NELL1: variants seen among roughly 807,000 people sequenced by gnomAD.
NELL1 encodes the protein protein kinase C-binding protein NELL1.
In NELL1, 76 loss-of-function variants were observed where a neutral mutation model predicts 107.4. The ratio of observed to expected loss-of-function variants is 0.71; its 90% CI spans 0.59 to 0.86. The LOEUF is 0.86. Among genes scored for constraint, NELL1 ranks in the 40% least tolerant of loss-of-function variants. The pLI is 0.00. For missense variants in NELL1, 1,024 were observed against 1,005.5 expected, an observed-to-expected ratio of 1.02 and a Z score of -0.25; for synonymous variants, 353 against 341.2, an observed-to-expected ratio of 1.03 and a Z score of -0.38.
intron 15 of NELL1, among the ~76,000 whole-genome samples, chr11:21,490,461 A>G (rs1355711061): frequency 2.5e-5 from 1 of 39,358 alleles, no homozygotes; most frequent in Admixed American, 2.4e-4. Context: ...ATGGAACCAA[A>G]AAAAAAAAAA....
chr11:21,021,413 C>T (rs1018671527), intron 12 of NELL1, among the ~76,000 whole-genome samples: 2 of 152,050 alleles, frequency 1.3e-5, no homozygotes, highest in African/African-American at 2.4e-5. Context: ...ATTGCTCATT[C>T]TCTTTCAAGG....
intron 15 of NELL1, among the ~76,000 whole-genome samples, chr11:21,422,115 G>A (rs1330863592): frequency 1.3e-5 from 2 of 151,346 alleles, no homozygotes; most frequent in Non-Finnish European, 2.9e-5. Flanking sequence ...GTGTGTGTGT[G>A]TGTGTGTGTA....
intron 2 of NELL1, among the ~76,000 whole-genome samples, chr11:20,783,132 T>C (rs184772401): frequency 6.6e-6 from 1 of 152,316 alleles, no homozygotes; most frequent in Non-Finnish European, 1.5e-5. Context: ...CTAGTAAATA[T>C]CTGCTAGGTA....
At chr11:21,314,824 C>G (rs4514409) in intron 14 of NELL1, among the ~76,000 whole-genome samples, 136,339 of 152,150 alleles carry the variant, frequency 0.9, 61,285 homozygotes, top group Middle Eastern at 0.92. Context: ...GCTGATGGCT[C>G]GATGGACTGG....
chr11:21,187,673 G>T (rs978676138), intron 13 of NELL1, among the ~76,000 whole-genome samples: 1 of 151,618 alleles, frequency 6.6e-6, no homozygotes, highest in South Asian at 2.1e-4. Context: ...TGTCCAAGTT[G>T]TCTATGTGAA....
At chr11:21,485,580 T>G (rs766983578) in intron 15 of NELL1, among the ~76,000 whole-genome samples, 25 of 151,760 alleles carry the variant, frequency 1.6e-4, no homozygotes, top group Admixed American at 5.9e-4. Flanking sequence ...GCTTGCGAGC[T>G]GCTGTAGGAC....
intron 13 of NELL1, among the ~76,000 whole-genome samples, chr11:21,225,524 G>T (rs1258329788): frequency 7.2e-5 from 11 of 152,062 alleles, no homozygotes; most frequent in Non-Finnish European, 1.6e-4. Context: ...TACCCTAAAA[G>T]GTCTTCATAA....
chr11:20,983,874 A>T (rs1851798540), intron 12 of NELL1, among the ~76,000 whole-genome samples: 1 of 152,126 alleles, frequency 6.6e-6, no homozygotes, highest in Non-Finnish European at 1.5e-5. Context: ...CTTATCACAG[A>T]CCACAGGAAC....
In NELL1 at chr11:20,929,407, A is replaced by C. The variant is rs142828728; in HGVS notation, c.997+928A>C. On this transcript the variant is annotated intron_variant, in intron 9 of 19. Coordinates refer to ENST00000357134, the MANE Select transcript of NELL1 (RefSeq NM_006157.5). Reference sequence around the variant, plus strand: ...TTGCAGCAGCCCAAATAATTGTTGAACTTTTCAAAAAGGAACTTTGTAATC... The same window carrying C: ...TTGCAGCAGCCCAAATAATTGTTGACCTTTTCAAAAAGGAACTTTGTAATC... Among the ~76,000 whole-genome samples, 1,045 of 151,656 alleles carry C rather than the reference A, an allele frequency of 6.9e-3. 14 individuals carry two copies. Among genetic ancestry groups the C allele is most frequent in the African/African-American group, 0.024 (1,004 of 41,328 alleles).
At chr11:21,309,261 TA>T (rs1244451136) in intron 14 of NELL1, among the ~76,000 whole-genome samples, 1 of 13,366 alleles carries the variant, frequency 7.5e-5, no homozygotes, top group Non-Finnish European at 1.7e-4. Context: ...TATATATATG[TA>T]TATATATATA....
intron 2 of NELL1, among the ~76,000 whole-genome samples, chr11:20,770,112 T>C (rs1444000896): frequency 6.6e-6 from 1 of 152,190 alleles, no homozygotes; most frequent in African/African-American, 2.4e-5. Context: ...CAAATTGACA[T>C]TTTCATTTCT....
chr11:21,071,670 TC>T, intron 12 of NELL1, among the ~76,000 whole-genome samples: 1 of 152,170 alleles, frequency 6.6e-6, no homozygotes, highest in East Asian at 1.9e-4. Context: ...AGTCTCCCTC[TC>T]TTGCAAGCTG....
At chr11:21,456,803 A>G (rs1853756531) in intron 15 of NELL1, among the ~76,000 whole-genome samples, 1 of 152,224 alleles carries the variant, frequency 6.6e-6, no homozygotes, top group Non-Finnish European at 1.5e-5. Flanking sequence ...GGTAATTTCA[A>G]CAGAAATATA....
intron 3 of NELL1, among the ~76,000 whole-genome samples, chr11:20,800,930 C>T (rs1176554505): frequency 2.0e-5 from 3 of 152,168 alleles, no homozygotes; most frequent in Middle Eastern, 3.2e-3. Flanking sequence ...GTGATGGCTT[C>T]CACAGTATCC....
intron 13 of NELL1, among the ~76,000 whole-genome samples, chr11:21,171,055 A>G (rs899678365): frequency 6.6e-6 from 1 of 151,826 alleles, no homozygotes; most frequent in African/African-American, 2.4e-5. Context: ...GTTGTTTTTC[A>G]TCAGTGAATA....
At chr11:20,762,694 C>T (rs953922809) in intron 2 of NELL1, among the ~76,000 whole-genome samples, 1 of 152,184 alleles carries the variant, frequency 6.6e-6, no homozygotes, top group Non-Finnish European at 1.5e-5. Flanking sequence ...CATCGTTACA[C>T]ATAAATAGAA....
intron 13 of NELL1, among the ~76,000 whole-genome samples, chr11:21,163,567 A>G (rs1488039034): frequency 6.6e-6 from 1 of 152,182 alleles, no homozygotes; most frequent in Non-Finnish European, 1.5e-5. Context: ...ACTTAAGGTT[A>G]AATGAAGTTG....
At chr11:21,069,254 G>A (rs1227989630) in intron 12 of NELL1, among the ~76,000 whole-genome samples, 4 of 152,150 alleles carry the variant, frequency 2.6e-5, no homozygotes, top group Non-Finnish European at 4.4e-5. Flanking sequence ...AAAGCTGCAC[G>A]TCCTGCACAT....
intron 15 of NELL1, among the ~76,000 whole-genome samples, chr11:21,454,358 T>C (rs1853667789): frequency 6.6e-6 from 1 of 151,766 alleles, no homozygotes; most frequent in Non-Finnish European, 1.5e-5. Flanking sequence ...TTCCAAGTCT[T>C]TGCTATTGTG....
Sources: gnomAD v4.1 joint callset for allele counts (sites outside exome capture counted in the v4.1 genomes callset) on GRCh38, gnomAD v4.1.1 for gene constraint, MANE v1.5 for transcripts, NCBI Gene and HGNC (gene_info 2026-07-23, HGNC 2026-07-21) for gene names.